Variants in PTPRZ1 observed in about 807,000 individuals in gnomAD.
The protein encoded by PTPRZ1 is protein tyrosine phosphatase receptor type Z1, also known as receptor-type tyrosine-protein phosphatase zeta.
Under a neutral mutation model 214.1 loss-of-function variants are expected in PTPRZ1, and 82 were observed. The ratio of observed to expected loss-of-function variants is 0.38; its 90% CI spans 0.32 to 0.46. PTPRZ1 has a LOEUF of 0.46. Among genes scored for constraint, PTPRZ1 ranks in the 20% least tolerant of loss-of-function variants. The probability of loss-of-function intolerance (pLI) is 1.00; values close to 1 mark genes in which losing one functional copy is unlikely to be tolerated. For synonymous variants in PTPRZ1, 945 were observed against 987.9 expected, an observed-to-expected ratio of 0.96 and a Z score of 0.81; for missense variants, 2,603 against 2,748.7, an observed-to-expected ratio of 0.95 and a Z score of 1.19.
chr7:121,951,114 A>G (rs1055247293), intron 2 of PTPRZ1, among the ~76,000 whole-genome samples: 1 of 152,252 alleles, frequency 6.6e-6, no homozygotes, highest in Non-Finnish European at 1.5e-5. Flanking sequence ...AGTTCTACCA[A>G]GTGAAATCAC....
intron 28 of PTPRZ1, 50 bp downstream of exon 28, chr7:122,058,992 A>T: frequency 1.3e-6 from 2 of 1,491,740 alleles, no homozygotes; most frequent in Non-Finnish European, 1.8e-6. Flanking sequence ...TTCTGGGCAT[A>T]TGTATATTTC....
chr7:121,904,562 A>G (rs2116278927), intron 1 of PTPRZ1, among the ~76,000 whole-genome samples: 1 of 152,316 alleles, frequency 6.6e-6, no homozygotes, highest in East Asian at 1.9e-4. Context: ...TTGTTTTAAC[A>G]CAGTAAGTAA....
rs200372497 is a variant in PTPRZ1, at chr7:121,903,964, T to TCA, written c.59-24191_59-24190insAC. 2.1e-3 allele frequency among the ~76,000 whole-genome samples: 174 copies of TCA among 81,654 alleles called. 1 individual carries two copies. Among genetic ancestry groups the TCA allele is most frequent in the African/African-American group, 9.2e-3 (165 of 17,924 alleles). 53.6% of individuals were successfully genotyped at this position (81,654 alleles called of 152,430 possible). On this transcript the variant is annotated intron_variant, in intron 1 of 29. Coordinates refer to ENST00000393386, the MANE Select transcript of PTPRZ1 (RefSeq NM_002851.3). The stretch of plus-strand genomic sequence containing the variant: ...GCAGGATTCTGTTCCAGTCTTTAAA[T>TCA]CTCACACACACACACACACACACAC...
At chr7:122,053,786 C>A in intron 25 of PTPRZ1, 124 bp from the exon 26 acceptor site, 2 of 1,173,930 alleles carry the variant, frequency 1.7e-6, no homozygotes, top group South Asian at 3.0e-5. Context: ...CATATTACTA[C>A]ATATAGACAC....
At chr7:121,971,079 T>C (rs1003671094) in intron 3 of PTPRZ1, among the ~76,000 whole-genome samples, 2 of 152,186 alleles carry the variant, frequency 1.3e-5, no homozygotes, top group Non-Finnish European at 2.9e-5. Flanking sequence ...CCATTTCTTG[T>C]TTTTTTCAGG....
chr7:121,969,499 T>G (rs1312590273), intron 3 of PTPRZ1, among the ~76,000 whole-genome samples: 1 of 148,932 alleles, frequency 6.7e-6, no homozygotes, highest in Non-Finnish European at 1.5e-5. Context: ...GAGTCGGAGG[T>G]TGAGTGAGCT....
chr7:122,010,941 A>G lies in PTPRZ1; in HGVS notation c.1895A>G (p.Glu632Gly). 1 of 1,614,122 alleles carries G rather than the reference A, an allele frequency of 6.2e-7. No homozygotes were observed. The highest frequency in any genetic ancestry group is 1.1e-5 in the South Asian group (1 of 91,080). Residue 632 changes from glutamate (E) to glycine (G), a missense_variant, in exon 12 of 30, where the codon GAA becomes GGA. By Grantham distance (98) the Glu-to-Gly change is moderately conservative (BLOSUM62 -2). This residue lies in a region of PTPRZ1 where 1,913 missense variants were observed against 1,914.3 expected (regional missense o/e 1.00). Transcript: ENST00000393386. ...CCAGAATCTGCTAGAAATGCTTCCG[A>G]AGATTCAACTTCATCAGGTTCAGAA... ...LIPESARNAS[E>G]DSTSSGSEES...
At position 121,896,088 on chromosome 7, in the gene PTPRZ1, A is replaced by G. The variant is rs1386209114; in HGVS notation, c.58+22531A>G. ...ATTTATGCTGGACTTTGAATTTCCA[A>G]CCTTCATAAGGACATATGTACATTT... On this transcript the variant is annotated intron_variant, in intron 1 of 29. Transcript: ENST00000393386. 3.9e-5 allele frequency among the ~76,000 whole-genome samples: 6 copies of G among 152,216 alleles called. No homozygotes were observed. The East Asian group carries it at 1.2e-3, about 29-fold the overall frequency.
At chr7:121,883,819 T>C (rs1253980029) in intron 1 of PTPRZ1, among the ~76,000 whole-genome samples, 1 of 152,094 alleles carries the variant, frequency 6.6e-6, no homozygotes, top group African/African-American at 2.4e-5. Context: ...AGAGATGGGG[T>C]TTCTCCATAT....
chr7:121,992,607 GT>G (rs546084891), intron 8 of PTPRZ1, among the ~76,000 whole-genome samples: 1 of 152,120 alleles, frequency 6.6e-6, no homozygotes. Flanking sequence ...TTTTTCATAA[GT>G]TTTTTATACA....
intron 12 of PTPRZ1, among the ~76,000 whole-genome samples, chr7:122,017,752 A>G (rs1798888258): frequency 6.6e-6 from 1 of 151,230 alleles, no homozygotes; most frequent in Non-Finnish European, 1.5e-5. Context: ...TATTTTTTTT[A>G]GTAGAGATGG....
At chr7:121,925,863 C>T (rs1387699754) in intron 1 of PTPRZ1, among the ~76,000 whole-genome samples, 1 of 152,144 alleles carries the variant, frequency 6.6e-6, no homozygotes, top group African/African-American at 2.4e-5. Context: ...TAGGCTCCTA[C>T]CCTCCCACCT....
Position 122,042,673 on chromosome 7 carries a change from A to C in PTPRZ1, c.5867A>C (p.Glu1956Ala), listed in dbSNP as rs748705395. The C allele has an allele frequency of 2.5e-6, 4 of 1,613,794 alleles. No individual in the cohort carries two copies. Among genetic ancestry groups the C allele is most frequent in the Non-Finnish European group, 3.4e-6 (4 of 1,179,704 alleles). Residue 1956 changes from glutamate to alanine, a missense_variant, in exon 22 of 30, where the codon GAA becomes GCA. By Grantham distance (107) the Glu-to-Ala change is moderately radical. Around this residue, in one of 6 missense-constraint regions of PTPRZ1, gnomAD observed 1,913 missense variants for 1,914.3 expected, o/e 1.00. Transcript: ENST00000393386. ...LDSMLQQIQH[E>A]GTVNIFGFLK... Reference sequence around the variant, plus strand: ...AGTATGTTGCAGCAGATTCAACACGAAGGAACTGTCAACATATTTGGCTTC... The same window carrying C: ...AGTATGTTGCAGCAGATTCAACACGCAGGAACTGTCAACATATTTGGCTTC...
In PTPRZ1 at chr7:121,974,194, C is replaced by A. The variant is rs1385718747; in HGVS notation, c.456+1502C>A. On this transcript the variant is annotated intron_variant, in intron 4 of 29. Coordinates refer to ENST00000393386, the MANE Select transcript of PTPRZ1 (RefSeq NM_002851.3). ...GATGGATATCGACATTCATTTACAG[C>A]TTATACTATGGATTTTTTCTTTATT... Among the ~76,000 whole-genome samples, 7 of 152,004 alleles carry A rather than the reference C, an allele frequency of 4.6e-5. No individual in the cohort carries two copies. The East Asian group carries it at 1.3e-3, about 29-fold the overall frequency.
rs1797056560 is a variant in PTPRZ1 at position 121,966,722 on chromosome 7, C to A, written c.125-1229C>A. ...GACTAATTATTATTTATTTTCAGGGCAAAATTATGCAATGTTATTTTCATC... is the reference window on the plus strand; with the variant it reads ...GACTAATTATTATTTATTTTCAGGGAAAAATTATGCAATGTTATTTTCATC... On this transcript the variant is annotated intron_variant, in intron 2 of 29. Coordinates refer to ENST00000393386, the MANE Select transcript of PTPRZ1 (RefSeq NM_002851.3). Among the ~76,000 whole-genome samples the A allele has an allele frequency of 2.0e-5, 3 of 152,108 alleles. No homozygotes were observed. The South Asian group carries it at 6.2e-4, about 32-fold the overall frequency.
At position 122,011,319 on chromosome 7, in the gene PTPRZ1, C is replaced by T; in HGVS notation, c.2273C>T (p.Pro758Leu). 2 of 1,614,160 alleles carry T rather than the reference C, an allele frequency of 1.2e-6. No individual in the cohort carries two copies. The highest frequency in any genetic ancestry group is 1.1e-5 in the South Asian group (1 of 91,084). ...CAACCGGTATACAATGGTGAGACAC[C>T]TCTTCAACCTTCCTACAGTAGTGAA... ...TTQPVYNGETPLQPSYSSEVF... is the reference protein window; with the variant it reads ...TTQPVYNGETLLQPSYSSEVF... The change falls in exon 12 of 30, where the codon CCT becomes CTT. Residue 758 changes from proline to leucine, a missense_variant. Pro to Leu is a moderately conservative substitution (Grantham distance 98, BLOSUM62 -3). This residue lies in a region of PTPRZ1 where 1,913 missense variants were observed against 1,914.3 expected (regional missense o/e 1.00). Coordinates refer to ENST00000393386, the MANE Select transcript of PTPRZ1 (RefSeq NM_002851.3).
chr7:122,002,396 C>G (rs986952543), intron 10 of PTPRZ1, among the ~76,000 whole-genome samples: 9 of 152,042 alleles, frequency 5.9e-5, no homozygotes, highest in African/African-American at 1.9e-4. Flanking sequence ...TTTCCCAGAG[C>G]CAAGGAGGCC....
At chr7:122,022,698 G>C (rs531096092) in intron 13 of PTPRZ1, among the ~76,000 whole-genome samples, 2 of 151,734 alleles carry the variant, frequency 1.3e-5, no homozygotes, top group African/African-American at 4.8e-5. Flanking sequence ...TTCTCTTATT[G>C]CTTGCACCTT....
chr7:122,028,757 A>T, intron 14 of PTPRZ1, 114 bp downstream of exon 14: 1 of 751,792 alleles, frequency 1.3e-6, no homozygotes, highest in Non-Finnish European at 2.2e-6. Context: ...GTAGATTAGT[A>T]AATTTTTGTG....
Sources: gnomAD v4.1 joint callset for allele counts (sites outside exome capture counted in the v4.1 genomes callset) on GRCh38, gnomAD v4.1.1 for gene constraint, gnomAD v4.1.1 regional missense constraint, MANE v1.5 for transcripts, NCBI Gene and HGNC (gene_info 2026-07-23, HGNC 2026-07-21) for gene names.